Variants in MYO10 observed in about 807,000 individuals in gnomAD.
MYO10 encodes the protein myosin X.
In MYO10, 133 loss-of-function variants were observed where a neutral mutation model predicts 257.3. The ratio of observed to expected loss-of-function variants is 0.52; its 90% CI spans 0.45 to 0.60. The LOEUF (loss-of-function observed/expected upper bound fraction) is 0.60, where lower values mean the gene tolerates loss of function less well. Among genes scored for constraint, MYO10 ranks in the 20% least tolerant of loss-of-function variants. The pLI is 0.00. For synonymous variants in MYO10, 1,104 were observed against 1,028.6 expected, an observed-to-expected ratio of 1.07 and a Z score of -1.40; for missense variants, 2,399 against 2,635.7, an observed-to-expected ratio of 0.91 and a Z score of 1.97.
rs977679190 is a variant in MYO10, at chr5:16,710,948, T to C, written c.2129A>G (p.Tyr710Cys). The C allele has an allele frequency of 5.0e-6, 8 of 1,613,872 alleles. No individual in the cohort carries two copies. Among genetic ancestry groups the C allele is most frequent in the Admixed American group, 1.7e-5 (1 of 60,000 alleles). ...RGKCTSLLQL[Y>C]DASNSEWQLG... Reference sequence around the variant, plus strand: ...CTGCCACTCGCTGTTGGAGGCATCATAGAGCTGCAGCAGGCTCGTGCACTT... The same window carrying C: ...CTGCCACTCGCTGTTGGAGGCATCACAGAGCTGCAGCAGGCTCGTGCACTT... The change falls in exon 21 of 41, where the codon TAT becomes TGT. Residue 710 changes from tyrosine (Y) to cysteine (C), a missense_variant. Physicochemically the swap from Tyr to Cys is radical, Grantham distance 194. This residue lies in a region of MYO10 where 1,820 missense variants were observed against 1,939.4 expected (regional missense o/e 0.94). Coordinates refer to ENST00000513610, the MANE Select transcript of MYO10 (RefSeq NM_012334.3).
At chr5:16,686,350 C>T (rs146938939) in intron 28 of MYO10, among the ~76,000 whole-genome samples, 12 of 152,128 alleles carry the variant, frequency 7.9e-5, no homozygotes, top group Admixed American at 3.9e-4. Flanking sequence ...TTTTGAGCAC[C>T]GACATGATGC....
chr5:16,825,965 C>G (rs570820122), intron 2 of MYO10, among the ~76,000 whole-genome samples: 9 of 151,986 alleles, frequency 5.9e-5, no homozygotes, highest in African/African-American at 1.9e-4. Flanking sequence ...CTGGTCAACA[C>G]GGTGAAACCC....
intron 2 of MYO10, among the ~76,000 whole-genome samples, chr5:16,846,269 G>T (rs956167159): frequency 2.0e-5 from 3 of 152,180 alleles, no homozygotes; most frequent in East Asian, 1.9e-4. Flanking sequence ...GACTAAACAG[G>T]ATTTGGATGA....
intron 18 of MYO10, among the ~76,000 whole-genome samples, chr5:16,757,301 A>AACACACACACACACACACAAAC (rs71595978): frequency 8.3e-5 from 7 of 84,340 alleles, no homozygotes; most frequent in African/African-American, 3.3e-4. Context: ...CACACACACA[A>AACACACACACACACACACAAAC]ACACACACAC....
At position 16,663,721 on chromosome 5, in the gene MYO10, A is replaced by C. The variant is rs1401274628; in HGVS notation, c.*2971T>G. 6.6e-6 allele frequency: 1 copy of C among 152,086 alleles called. No individual in the cohort carries two copies. The highest frequency in any genetic ancestry group is 1.5e-5 in the Non-Finnish European group (1 of 68,032). 9.4% of individuals were successfully genotyped at this position (152,086 alleles called of 1,614,324 possible). ...CCCTGTCTCAAATAAACAATGTTTA[A>C]AACACAGACACACACGGTATAACAG... is the stretch of plus-strand genomic sequence containing the variant. On this transcript the variant is annotated 3_prime_UTR_variant, in exon 41 of 41. Transcript: ENST00000513610.
At position 16,712,600 on chromosome 5, in the gene MYO10, T is replaced by A. The variant is rs567973252; in HGVS notation, c.1930-1355A>T. 2.4e-4 allele frequency among the ~76,000 whole-genome samples: 36 copies of A among 152,214 alleles called. 1 individual carries two copies. The highest frequency in any genetic ancestry group is 4.1e-4 in the Non-Finnish European group (28 of 68,036). On this transcript the variant is annotated intron_variant, in intron 19 of 40. Transcript: ENST00000513610. ...TAAAAATGCAGTCATTAACACAGAATTAGGCATAAAGCCGTGTTATTCTGC... is the reference window on the plus strand; with the variant it reads ...TAAAAATGCAGTCATTAACACAGAAATAGGCATAAAGCCGTGTTATTCTGC...
chr5:16,767,928 T>A (rs1447250690), intron 10 of MYO10, among the ~76,000 whole-genome samples: 1 of 152,164 alleles, frequency 6.6e-6, no homozygotes, highest in Non-Finnish European at 1.5e-5. Flanking sequence ...TCCACCTGCC[T>A]CATCCTCCCA....
chr5:16,747,050 AT>A (rs1740216831), intron 19 of MYO10, among the ~76,000 whole-genome samples: 1 of 152,166 alleles, frequency 6.6e-6, no homozygotes, highest in African/African-American at 2.4e-5. Context: ...AGATGGGGAT[AT>A]TTGTATATGA....
At position 16,804,968 on chromosome 5, in the gene MYO10, C is replaced by T. The variant is rs367982345; in HGVS notation, c.280-10135G>A. Among the ~76,000 whole-genome samples, 6 of 152,250 alleles carry T rather than the reference C, an allele frequency of 3.9e-5. No homozygotes were observed. In the East Asian group the frequency reaches 7.7e-4, roughly 20 times the overall value. On this transcript the variant is annotated intron_variant, in intron 3 of 40. Transcript: ENST00000513610. The stretch of plus-strand genomic sequence containing the variant: ...TGGCAAAAATAATTACAGTCAAGGA[C>T]ATCTTATCTCCCCCATCTTAAACTT...
chr5:16,762,251 A>C, intron 15 of MYO10, 138 bp from the exon 16 acceptor site: 1 of 1,140,468 alleles, frequency 8.8e-7, no homozygotes, highest in Non-Finnish European at 1.2e-6. Flanking sequence ...GCGTTTCAGG[A>C]CACGGCATAT....
At chr5:16,918,361 A>C (rs1041291052) in intron 1 of MYO10, among the ~76,000 whole-genome samples, 7 of 152,136 alleles carry the variant, frequency 4.6e-5, no homozygotes, top group Non-Finnish European at 7.4e-5. Context: ...CTTTCCCTCA[A>C]TATTGCTTCA....
At chr5:16,794,148 A>C (rs1741857181) in intron 4 of MYO10, among the ~76,000 whole-genome samples, 1 of 152,120 alleles carries the variant, frequency 6.6e-6, no homozygotes, top group Non-Finnish European at 1.5e-5. Context: ...ATTAACTTTA[A>C]GAGCACCCTA....
intron 1 of MYO10, among the ~76,000 whole-genome samples, chr5:16,899,781 T>G (rs942497879): frequency 4.6e-5 from 7 of 152,038 alleles, no homozygotes; most frequent in African/African-American, 1.4e-4. Flanking sequence ...GTGGATCACC[T>G]GATGTCAAGA....
intron 9 of MYO10, among the ~76,000 whole-genome samples, chr5:16,770,853 G>A (rs184215567): frequency 2.6e-4 from 40 of 152,214 alleles, no homozygotes; most frequent in African/African-American, 8.9e-4. Flanking sequence ...ACCGCACCCC[G>A]TGCCTCCCAG....
At chr5:16,773,836 T>C (rs1307807387) in intron 9 of MYO10, among the ~76,000 whole-genome samples, 1 of 152,172 alleles carries the variant, frequency 6.6e-6, no homozygotes, top group Non-Finnish European at 1.5e-5. Context: ...ATTAATAAAT[T>C]TGTGGACTTC....
At chr5:16,683,982 G>A (rs1320457298) in intron 29 of MYO10, 47 bp from the exon 30 acceptor site, 2 of 1,565,900 alleles carry the variant, frequency 1.3e-6, no homozygotes, top group South Asian at 1.1e-5. Flanking sequence ...CACTAAAGTA[G>A]GGTGCACACT....
At position 16,701,206 on chromosome 5, in the gene MYO10, T is replaced by TAGGCTCCCGGAGTCCTGC. The variant is rs1738041233; in HGVS notation, c.3171_3188dup (p.Gln1058_Leu1063dup). ...TGGACTCGCCGCTGGAGGAGTTGTG[T>TAGGCTCCCGGAGTCCTGC]AGGCTCCCGGAGTCCTGCACTGATG... On this transcript the variant is annotated inframe_insertion, in exon 25 of 41. Transcript: ENST00000513610. The surrounding 1 kb of genome is among the most constrained non-coding windows in gnomAD (Gnocchi z 8.1). The TAGGCTCCCGGAGTCCTGC allele has an allele frequency of 5.0e-6, 8 of 1,611,162 alleles. No homozygotes were observed. Among genetic ancestry groups the TAGGCTCCCGGAGTCCTGC allele is most frequent in the Middle Eastern group, 1.6e-4 (1 of 6,078 alleles).
At chr5:16,747,931 A>AG (rs1385614262) in intron 19 of MYO10, among the ~76,000 whole-genome samples, 1 of 122,670 alleles carries the variant, frequency 8.2e-6, no homozygotes, top group African/African-American at 5.9e-5. Context: ...AAAAAAAAAA[A>AG]AAAAAAAAAA....
intron 19 of MYO10, among the ~76,000 whole-genome samples, chr5:16,748,566 T>G (rs1300563288): frequency 1.5e-4 from 8 of 53,644 alleles, no homozygotes; most frequent in Admixed American, 1.1e-3. Context: ...AGGTCTGAAA[T>G]AAAGAAAGGA....
Sources: gnomAD v4.1 joint callset for allele counts (sites outside exome capture counted in the v4.1 genomes callset) on GRCh38, gnomAD v4.1.1 for gene constraint, gnomAD v4.1.1 regional missense constraint, Gnocchi (gnomAD v3.1) non-coding constraint, MANE v1.5 for transcripts, NCBI Gene and HGNC (gene_info 2026-07-23, HGNC 2026-07-21) for gene names.